Variants in HIVEP3 observed in about 807,000 individuals in gnomAD.
HIVEP3 encodes the protein HIVEP zinc finger 3, also known as transcription factor HIVEP3.
HIVEP3 carries 49 observed loss-of-function variants against 152.8 expected under a neutral mutation model. The ratio of observed to expected loss-of-function variants is 0.32; its 90% CI spans 0.26 to 0.41. The LOEUF (loss-of-function observed/expected upper bound fraction) is 0.41, where lower values mean the gene tolerates loss of function less well. HIVEP3 is among the 10% of genes least tolerant of loss of function. The pLI is 1.00. For missense variants in HIVEP3, 2,790 were observed against 3,103.3 expected (o/e 0.90, Z 2.40); for synonymous variants, 1,269 against 1,289.0 (o/e 0.98, Z 0.33).
chr1:41,512,546 C>A (rs1182524846), intron 8 of HIVEP3, among the ~76,000 whole-genome samples: 3 of 152,206 alleles, frequency 2.0e-5, no homozygotes, highest in Admixed American at 6.5e-5. Flanking sequence ...CAAGAACGGA[C>A]TAATACGTGG....
chr1:41,968,226 C>A (rs918889549), intron 1 of HIVEP3, among the ~76,000 whole-genome samples: 1 of 151,282 alleles, frequency 6.6e-6, no homozygotes, highest in Non-Finnish European at 1.5e-5. Context: ...GATAGAGATA[C>A]AACCTGGCAG....
At chr1:41,585,970 G>A (rs544220653) in intron 3 of HIVEP3, among the ~76,000 whole-genome samples, 4 of 152,234 alleles carry the variant, frequency 2.6e-5, no homozygotes, top group East Asian at 1.9e-4. Context: ...TTGCTAACCC[G>A]CACCCCAGCC....
At chr1:41,575,483 C>T (rs1291793597) in intron 5 of HIVEP3, 61 bp downstream of exon 5, 1 of 1,569,308 alleles carries the variant, frequency 6.4e-7, no homozygotes, top group African/African-American at 1.3e-5. Flanking sequence ...CCCGTGAACA[C>T]CAATGGGCAC....
intron 1 of HIVEP3, among the ~76,000 whole-genome samples, chr1:41,975,430 C>A (rs1315547606): frequency 6.6e-6 from 1 of 152,184 alleles, no homozygotes; most frequent in African/African-American, 2.4e-5. Context: ...TGTTTCCAGG[C>A]AAGCTCCTAT....
chr1:41,670,842 A>G (rs7533711), intron 2 of HIVEP3, among the ~76,000 whole-genome samples: 26,641 of 152,170 alleles, frequency 0.18, 4,395 homozygotes, highest in African/African-American at 0.44. Context: ...CATATTACAC[A>G]GGGCCTGGCA....
chr1:41,737,131 C>A (rs1279596269), intron 1 of HIVEP3, among the ~76,000 whole-genome samples: 1 of 152,162 alleles, frequency 6.6e-6, no homozygotes, highest in African/African-American at 2.4e-5. Flanking sequence ...TGAACATAGA[C>A]TTTTGGATCT....
intron 1 of HIVEP3, among the ~76,000 whole-genome samples, chr1:41,804,421 G>A (rs1017121481): frequency 9.2e-5 from 14 of 152,226 alleles, no homozygotes; most frequent in African/African-American, 3.1e-4. Flanking sequence ...AGACAAACCT[G>A]CCAGATAAGG....
chr1:41,979,619 G>T (rs1645283692), intron 1 of HIVEP3, among the ~76,000 whole-genome samples: 1 of 151,942 alleles, frequency 6.6e-6, no homozygotes. Flanking sequence ...GCTCCTACCT[G>T]GTCTAATGGG....
At position 41,871,002 on chromosome 1, in the gene HIVEP3, C is replaced by T. The variant is rs571385536; in HGVS notation, c.-801+47411G>A. ...GACACGTGAACTGCTTAGAACAGTG[C>T]CTGGCACGTGCTAAGTACTCACTAA... On this transcript the variant is annotated intron_variant, in intron 1 of 8. Coordinates refer to ENST00000372583, the MANE Select transcript of HIVEP3 (RefSeq NM_024503.5). Among the ~76,000 whole-genome samples the T allele has an allele frequency of 9.8e-5, 15 of 152,322 alleles. No homozygotes were observed. The South Asian group carries it at 3.1e-3, about 32-fold the overall frequency.
chr1:41,669,529 C>T (rs1299225855), intron 2 of HIVEP3, among the ~76,000 whole-genome samples: 1 of 152,186 alleles, frequency 6.6e-6, no homozygotes, highest in African/African-American at 2.4e-5. Flanking sequence ...CATGGGAGAG[C>T]TTCATCCAAT....
intron 1 of HIVEP3, among the ~76,000 whole-genome samples, chr1:41,800,711 T>C (rs1482743781): frequency 1.3e-5 from 2 of 152,222 alleles, no homozygotes; most frequent in African/African-American, 4.8e-5. Flanking sequence ...TGATAGAGGA[T>C]GTGGGAAGTC....
chr1:41,664,545 G>C lies in HIVEP3; in HGVS notation c.-720-35598C>G, dbSNP rs999619610. ...GTTATTGGGGGCCTCCTCTTCCTCA[G>C]ACTGGGAGCTTCAGGGAACTTTCCA... On this transcript the variant is annotated intron_variant, in intron 2 of 8. Transcript: ENST00000372583. The surrounding 1 kb of genome is among the most constrained non-coding windows in gnomAD (Gnocchi z 4.4). 3.6e-4 allele frequency among the ~76,000 whole-genome samples: 55 copies of C among 152,226 alleles called. No individual in the cohort carries two copies. Among genetic ancestry groups the C allele is most frequent in the African/African-American group, 1.3e-3 (53 of 41,450 alleles).
intron 2 of HIVEP3, among the ~76,000 whole-genome samples, chr1:41,650,004 G>A (rs925561140): frequency 6.6e-6 from 1 of 151,994 alleles, no homozygotes; most frequent in Admixed American, 6.6e-5. Context: ...AAGCCTGGCC[G>A]GGAACGGAAA....
intron 1 of HIVEP3, among the ~76,000 whole-genome samples, chr1:41,819,925 G>A (rs957109859): frequency 1.3e-5 from 2 of 152,132 alleles, no homozygotes; most frequent in African/African-American, 4.8e-5. Flanking sequence ...CAGCTTTGCA[G>A]GCCATACAGT....
intron 2 of HIVEP3, among the ~76,000 whole-genome samples, chr1:41,684,751 A>C (rs1646089895): frequency 6.6e-6 from 1 of 152,238 alleles, no homozygotes; most frequent in South Asian, 2.1e-4. Flanking sequence ...CCATGAACTT[A>C]AGACACATTG....
chr1:41,584,130 C>A lies in HIVEP3; in HGVS notation c.668G>T (p.Gly223Val). 1.2e-6 allele frequency: 2 copies of A among 1,614,166 alleles called. No individual in the cohort carries two copies. The highest frequency in any genetic ancestry group is 1.7e-6 in the Non-Finnish European group (2 of 1,180,034). ...SHTGERPYPC[G>V]PCGFSFKTKS... ...GGTCTTGAAGGAGAAGCCACAGGGG[C>A]CGCAGGGGTAGGGCCTCTCACCTGT... is the stretch of plus-strand genomic sequence containing the variant. The change falls in exon 4 of 9, where the codon GGC (glycine) becomes GTC (valine). Residue 223 changes from glycine (G) to valine (V), a missense_variant. This residue lies in a region of HIVEP3 where 25 missense variants were observed against 75.9 expected (regional missense o/e 0.33). Coordinates refer to ENST00000372583, the MANE Select transcript of HIVEP3 (RefSeq NM_024503.5). The surrounding 1 kb of genome is among the most constrained non-coding windows in gnomAD (Gnocchi z 5.2).
intron 1 of HIVEP3, among the ~76,000 whole-genome samples, chr1:41,886,668 C>T (rs796644871): frequency 4.3e-5 from 6 of 138,064 alleles, no homozygotes; most frequent in African/African-American, 1.1e-4. Flanking sequence ...GCTGAGATCG[C>T]GCCATTGCAC....
chr1:41,643,328 GT>G (rs1645406038), intron 2 of HIVEP3, among the ~76,000 whole-genome samples: 1 of 152,120 alleles, frequency 6.6e-6, no homozygotes, highest in Non-Finnish European at 1.5e-5. Context: ...CAATCACACT[GT>G]CCAGCGACAT....
chr1:41,738,538 C>T (rs1338982209), intron 1 of HIVEP3, among the ~76,000 whole-genome samples: 2 of 152,108 alleles, frequency 1.3e-5, no homozygotes, highest in African/African-American at 4.8e-5. Context: ...TGAGTTAATC[C>T]AACCCTCCCA....
Sources: gnomAD v4.1 joint callset for allele counts (sites outside exome capture counted in the v4.1 genomes callset) on GRCh38, gnomAD v4.1.1 for gene constraint, gnomAD v4.1.1 regional missense constraint, Gnocchi (gnomAD v3.1) non-coding constraint, MANE v1.5 for transcripts, NCBI Gene and HGNC (gene_info 2026-07-23, HGNC 2026-07-21) for gene names.